LUZP2: variants seen among roughly 807,000 people sequenced by gnomAD.
LUZP2 encodes the protein leucine zipper protein 2.
LUZP2 carries 52 observed loss-of-function variants against 51.6 expected under a neutral mutation model. The ratio of observed to expected loss-of-function variants is 1.01; its 90% CI spans 0.81 to 1.27. LUZP2 has a LOEUF of 1.27. Among genes scored for constraint, LUZP2 ranks in the 50% most tolerant of loss-of-function variants. The pLI is 0.00. For synonymous variants in LUZP2, 154 were observed against 137.3 expected (o/e 1.12, Z -0.85); for missense variants, 436 against 395.4 (o/e 1.10, Z -0.87).
intron 5 of LUZP2, among the ~76,000 whole-genome samples, chr11:24,858,838 C>G (rs569813677): frequency 6.6e-6 from 1 of 152,242 alleles, no homozygotes; most frequent in Admixed American, 6.5e-5. Context: ...ATAGGCTCTG[C>G]CAAAATCTGC....
chr11:24,509,282 T>A (rs1850231796), intron 1 of LUZP2, among the ~76,000 whole-genome samples: 2 of 152,132 alleles, frequency 1.3e-5, no homozygotes, highest in African/African-American at 2.4e-5. Context: ...GAAAGTCGTT[T>A]GGCTGGAACT....
intron 1 of LUZP2, among the ~76,000 whole-genome samples, chr11:24,615,055 A>G (rs10767220): frequency 0.14 from 20,545 of 151,982 alleles, 1,772 homozygotes; most frequent in East Asian, 0.25. Flanking sequence ...TTTTGTTATT[A>G]ATTTTAAAAC....
At chr11:24,968,641 A>T (rs1855657428) in intron 7 of LUZP2, among the ~76,000 whole-genome samples, 1 of 152,086 alleles carries the variant, frequency 6.6e-6, no homozygotes, top group Admixed American at 6.6e-5. Context: ...CCAAGGATGT[A>T]CAGGAACACT....
chr11:24,610,132 G>A (rs774969135), intron 1 of LUZP2, among the ~76,000 whole-genome samples: 9 of 152,190 alleles, frequency 5.9e-5, no homozygotes, highest in Non-Finnish European at 1.3e-4. Context: ...TGCACTGACT[G>A]AAGAATGGCG....
chr11:24,675,500 G>A (rs111718168), intron 1 of LUZP2, among the ~76,000 whole-genome samples: 7 of 152,084 alleles, frequency 4.6e-5, no homozygotes, highest in African/African-American at 1.4e-4. Context: ...AAATTAGCTT[G>A]CCATAGAGTA....
intron 1 of LUZP2, among the ~76,000 whole-genome samples, chr11:24,576,300 C>A (rs1480171769): frequency 6.6e-6 from 1 of 150,390 alleles, no homozygotes; most frequent in African/African-American, 2.4e-5. Flanking sequence ...GTAACCCCAG[C>A]TATTCAGGAG....
chr11:25,057,483 T>C (rs971361032), intron 10 of LUZP2, among the ~76,000 whole-genome samples: 23 of 152,184 alleles, frequency 1.5e-4, no homozygotes, highest in African/African-American at 3.6e-4. Flanking sequence ...GTTTAAATGA[T>C]AATATTGGAG....
At chr11:25,057,571 T>G (rs944339510) in intron 10 of LUZP2, among the ~76,000 whole-genome samples, 1 of 152,330 alleles carries the variant, frequency 6.6e-6, no homozygotes, top group Admixed American at 6.5e-5. Context: ...TATTGTTTAA[T>G]AGCATATCAA....
chr11:24,833,060 G>T (rs1590611809), intron 5 of LUZP2, among the ~76,000 whole-genome samples: 1 of 152,148 alleles, frequency 6.6e-6, no homozygotes, highest in Non-Finnish European at 1.5e-5. Flanking sequence ...TGATGAAGGG[G>T]TTTCCTGAAT....
At chr11:24,732,896 T>A (rs1858765567) in intron 3 of LUZP2, among the ~76,000 whole-genome samples, 1 of 151,718 alleles carries the variant, frequency 6.6e-6, no homozygotes, top group African/African-American at 2.4e-5. Flanking sequence ...GATGGCAAAT[T>A]GTTGCTCAGA....
At chr11:24,585,247 G>A (rs181866039) in intron 1 of LUZP2, among the ~76,000 whole-genome samples, 1 of 152,274 alleles carries the variant, frequency 6.6e-6, no homozygotes, top group East Asian at 1.9e-4. Flanking sequence ...TGACTTGCCT[G>A]TTTTTAAACA....
intron 1 of LUZP2, among the ~76,000 whole-genome samples, chr11:24,505,717 A>C (rs1168919005): frequency 6.6e-6 from 1 of 152,116 alleles, no homozygotes; most frequent in East Asian, 1.9e-4. Context: ...TTTTTCCTTC[A>C]AGAACATGCA....
rs1461761355 is a variant in LUZP2 at position 24,611,165 on chromosome 11, T to C, written c.62+113860T>C. The stretch of plus-strand genomic sequence containing the variant: ...ATTTATAAATCTTGTGAAGTTAAAA[T>C]GTTTATATTATTCATTCAAAAATAG... On this transcript the variant is annotated intron_variant, in intron 1 of 11. Coordinates refer to ENST00000336930, the MANE Select transcript of LUZP2 (RefSeq NM_001009909.4). The surrounding 1 kb of genome is among the most constrained non-coding windows in gnomAD (Gnocchi z 4.6). Among the ~76,000 whole-genome samples the C allele has an allele frequency of 6.6e-6, 1 of 152,186 alleles. No individual in the cohort carries two copies. Among genetic ancestry groups the C allele is most frequent in the East Asian group, 1.9e-4 (1 of 5,190 alleles).
chr11:24,570,382 T>C (rs183687732), intron 1 of LUZP2, among the ~76,000 whole-genome samples: 238 of 152,214 alleles, frequency 1.6e-3, no homozygotes, highest in Middle Eastern at 6.8e-3. Context: ...CAATTGAACA[T>C]GTAGTGTTTA....
chr11:24,744,600 T>C (rs2631422), intron 4 of LUZP2, among the ~76,000 whole-genome samples: 56,074 of 151,978 alleles, frequency 0.37, 10,745 homozygotes, highest in East Asian at 0.58. Context: ...TTTTCTCTCT[T>C]CTTTTCTTGG....
intron 1 of LUZP2, among the ~76,000 whole-genome samples, chr11:24,646,167 G>T (rs1483592908): frequency 6.6e-6 from 1 of 152,048 alleles, no homozygotes; most frequent in African/African-American, 2.4e-5. Context: ...CTTCTCATAA[G>T]AACTCAATGA....
chr11:24,508,770 C>G (rs1010790532), intron 1 of LUZP2, among the ~76,000 whole-genome samples: 1 of 152,060 alleles, frequency 6.6e-6, no homozygotes, highest in Non-Finnish European at 1.5e-5. Flanking sequence ...ACAAATTTGT[C>G]TAAGGTTACT....
chr11:24,875,924 T>C (rs1852245521), intron 5 of LUZP2, among the ~76,000 whole-genome samples: 1 of 151,210 alleles, frequency 6.6e-6, no homozygotes, highest in African/African-American at 2.4e-5. Flanking sequence ...TCTGTTCATG[T>C]CCTTTGCCCA....
chr11:24,520,626 T>G (rs73429147), intron 1 of LUZP2, among the ~76,000 whole-genome samples: 1,830 of 152,298 alleles, frequency 0.012, 45 homozygotes, highest in African/African-American at 0.042. Flanking sequence ...ATTATCCTTT[T>G]TGGGGGCAGG....
Sources: allele counts gnomAD v4.1 joint callset (sites outside exome capture counted in the v4.1 genomes callset), GRCh38; gene constraint gnomAD v4.1.1; non-coding constraint Gnocchi (gnomAD v3.1); transcripts MANE v1.5; gene names NCBI Gene and HGNC (gene_info 2026-07-23, HGNC 2026-07-21).